PPFIBP1: variants seen among roughly 807,000 people sequenced by gnomAD.
PPFIBP1 encodes the protein liprin-beta-1.
Under a neutral mutation model 137.8 loss-of-function variants are expected in PPFIBP1, and 112 were observed. The observed-to-expected ratio is 0.81, with a 90% CI of 0.70 to 0.95. The LOEUF is 0.95. PPFIBP1 is among the 40% of genes least tolerant of loss of function. The pLI is 0.00. For synonymous variants in PPFIBP1, 378 were observed against 417.3 expected (o/e 0.91, Z 1.15); for missense variants, 1,083 against 1,196.6 (o/e 0.91, Z 1.40).
At chr12:27,644,825 C>T (rs566772083) in intron 4 of PPFIBP1, among the ~76,000 whole-genome samples, 1 of 152,066 alleles carries the variant, frequency 6.6e-6, no homozygotes, top group Non-Finnish European at 1.5e-5. Context: ...AAATTAGCCT[C>T]TGATTCTTAG....
chr12:27,587,648 T>A (rs2051945899), intron 2 of PPFIBP1, among the ~76,000 whole-genome samples: 1 of 146,538 alleles, frequency 6.8e-6, no homozygotes. Context: ...AAAAAAGATA[T>A]TACTGTCATA....
chr12:27,627,676 A>C (rs140299441), intron 2 of PPFIBP1, among the ~76,000 whole-genome samples: 1 of 152,294 alleles, frequency 6.6e-6, no homozygotes, highest in Non-Finnish European at 1.5e-5. Flanking sequence ...ACCGTGCAAA[A>C]AATTATGGTG....
intron 19 of PPFIBP1, 120 bp from the exon 20 acceptor site, chr12:27,679,369 T>C (rs994426000): frequency 1.0e-6 from 1 of 975,424 alleles, no homozygotes; most frequent in African/African-American, 1.7e-5. Context: ...AAGGTGCTCT[T>C]TGTAAGTCAC....
chr12:27,680,115 A>G (rs1485415671), intron 21 of PPFIBP1, 54 bp downstream of exon 21: 1 of 1,601,588 alleles, frequency 6.2e-7, no homozygotes, highest in Non-Finnish European at 8.5e-7. Flanking sequence ...TCATAGCCTC[A>G]TGAGTCCTGC....
chr12:27,654,670 G>A lies in PPFIBP1; in HGVS notation c.604-52G>A, dbSNP rs1278830736. The stretch of plus-strand genomic sequence containing the variant: ...TCCAAGCTGCTATTTTATAGGTATA[G>A]GTAACTGTGTTACCACTTTCCTAAT... On this transcript the variant is annotated intron_variant, in intron 7 of 29. Coordinates refer to ENST00000228425, the MANE Select transcript of PPFIBP1 (RefSeq NM_003622.4). 3 of 1,584,806 alleles carry A rather than the reference G, an allele frequency of 1.9e-6. No homozygotes were observed. In the African/African-American group the frequency reaches 4.1e-5, roughly 22 times the overall value.
Position 27,672,448 on chromosome 12 carries a change from T to C in PPFIBP1, c.1284T>C (p.Gly428=). Residue 428 remains glycine, a synonymous_variant, in exon 15 of 30, where the codon GGT becomes GGC. Transcript: ENST00000228425. ...TTAGTGATGGAAACATAATCCTTGG[T>C]GCCACTGTTGATACCCAACTGTGTG... is the stretch of plus-strand genomic sequence containing the variant. The part of the protein sequence containing the change: ...FEENDGNIIL[G]ATVDTQLCDK... 6.2e-7 allele frequency: 1 copy of C among 1,609,178 alleles called. No individual in the cohort carries two copies. The highest frequency in any genetic ancestry group is 8.5e-7 in the Non-Finnish European group (1 of 1,175,994).
chr12:27,631,296 G>T (rs569476245), intron 2 of PPFIBP1, among the ~76,000 whole-genome samples: 1 of 152,090 alleles, frequency 6.6e-6, no homozygotes, highest in Non-Finnish European at 1.5e-5. Context: ...TGAACTGGAC[G>T]ATTTTGATTT....
chr12:27,569,151 T>G (rs1451325504), intron 1 of PPFIBP1, among the ~76,000 whole-genome samples: 1 of 152,202 alleles, frequency 6.6e-6, no homozygotes, highest in Non-Finnish European at 1.5e-5. Flanking sequence ...AGAATGATCT[T>G]TTTGAAATTC....
intron 2 of PPFIBP1, among the ~76,000 whole-genome samples, chr12:27,617,556 G>A (rs1012176484): frequency 5.3e-5 from 8 of 152,138 alleles, no homozygotes; most frequent in Admixed American, 2.0e-4. Flanking sequence ...AATCCATAGC[G>A]GCTCAAGTTC....
intron 4 of PPFIBP1, among the ~76,000 whole-genome samples, chr12:27,638,710 A>G (rs1291413988): frequency 6.6e-6 from 1 of 152,198 alleles, no homozygotes; most frequent in Non-Finnish European, 1.5e-5. Context: ...TTGCAATGGG[A>G]GTTAGGTTAC....
chr12:27,656,284 C>T (rs2059193447), intron 8 of PPFIBP1, among the ~76,000 whole-genome samples: 1 of 152,130 alleles, frequency 6.6e-6, no homozygotes, highest in Admixed American at 6.5e-5. Context: ...TGATTATCTT[C>T]CTTGATTAAC....
chr12:27,596,071 T>TACACACAC (rs376577510), intron 2 of PPFIBP1, among the ~76,000 whole-genome samples: 6,975 of 130,640 alleles, frequency 0.053, 252 homozygotes, highest in Middle Eastern at 0.091. Context: ...TGGGTATAAA[T>TACACACAC]ACACACACAC....
intron 2 of PPFIBP1, among the ~76,000 whole-genome samples, chr12:27,580,649 G>GT (rs2051015069): frequency 6.6e-6 from 1 of 152,188 alleles, no homozygotes; most frequent in African/African-American, 2.4e-5. Flanking sequence ...TGAGACTTCG[G>GT]TTTTTAATTT....
At position 27,669,909 on chromosome 12, in the gene PPFIBP1, A is replaced by G. The variant is rs55701256; in HGVS notation, c.1147-1522A>G. ...TAGCTGATCATATGTAGGGTTTTTG[A>G]GATGGTTGGAGCTCAAGGGTTGGTG... On this transcript the variant is annotated intron_variant, in intron 13 of 29. Coordinates refer to ENST00000228425, the MANE Select transcript of PPFIBP1 (RefSeq NM_003622.4). 2.6e-3 allele frequency among the ~76,000 whole-genome samples: 399 copies of G among 152,236 alleles called. 2 individuals are homozygous for G. The highest frequency in any genetic ancestry group is 8.9e-3 in the African/African-American group (370 of 41,548).
intron 2 of PPFIBP1, among the ~76,000 whole-genome samples, chr12:27,625,808 T>A (rs1202614233): frequency 6.6e-6 from 1 of 152,078 alleles, no homozygotes; most frequent in Non-Finnish European, 1.5e-5. Flanking sequence ...GGTCTCGAAC[T>A]CCTGACCTCA....
Position 27,544,847 on chromosome 12 carries a change from C to T in PPFIBP1, c.-124+20482C>T, listed in dbSNP as rs185119729. Among the ~76,000 whole-genome samples, 1,169 of 152,254 alleles carry T rather than the reference C, an allele frequency of 7.7e-3. 14 individuals carry two copies. Among genetic ancestry groups the T allele is most frequent in the African/African-American group, 0.027 (1,116 of 41,534 alleles). On this transcript the variant is annotated intron_variant, in intron 1 of 29. Coordinates refer to ENST00000228425, the MANE Select transcript of PPFIBP1 (RefSeq NM_003622.4). ...GTGGCGATTCCTCAAGGATCTAGAA[C>T]TAGAAATACCATTTGACCCAGCAAT... is the stretch of plus-strand genomic sequence containing the variant.
chr12:27,532,459 A>T (rs1181639763), intron 1 of PPFIBP1, among the ~76,000 whole-genome samples: 1 of 144,392 alleles, frequency 6.9e-6, no homozygotes, highest in South Asian at 2.2e-4. Context: ...GGAACTTTGT[A>T]TTTTTTTTTT....
chr12:27,549,976 A>T (rs1277329516), intron 1 of PPFIBP1, among the ~76,000 whole-genome samples: 1 of 152,258 alleles, frequency 6.6e-6, no homozygotes, highest in Non-Finnish European at 1.5e-5. Flanking sequence ...TTAAGGACAC[A>T]GGCTTTGAAG....
At chr12:27,534,663 T>G (rs1360838632) in intron 1 of PPFIBP1, among the ~76,000 whole-genome samples, 3 of 151,988 alleles carry the variant, frequency 2.0e-5, no homozygotes, top group Non-Finnish European at 4.4e-5. Context: ...GCCAACTTCT[T>G]GGGGGAAACC....
Sources: allele counts gnomAD v4.1 joint callset (sites outside exome capture counted in the v4.1 genomes callset), GRCh38; gene constraint gnomAD v4.1.1; transcripts MANE v1.5; gene names NCBI Gene and HGNC (gene_info 2026-07-23, HGNC 2026-07-21).